The following FCRL5 variants were observed in gnomAD, a reference collection of about 807,000 sequenced individuals.
FCRL5 encodes Fc receptor-like protein 5.
In FCRL5, 79 loss-of-function variants were observed where a neutral mutation model predicts 92.1. That is an observed-to-expected ratio of 0.86 (90% confidence interval 0.72 to 1.03). FCRL5 has a LOEUF of 1.03. FCRL5 is among the 50% of genes least tolerant of loss of function. FCRL5 has a pLI of 0.00. For synonymous variants in FCRL5, 466 were observed against 469.3 expected (o/e 0.99, Z 0.09); for missense variants, 1,160 against 1,181.1 (o/e 0.98, Z 0.26).
intron 14 of FCRL5, 30 bp from the exon 15 acceptor site, chr1:157,518,527 G>T: frequency 1.3e-6 from 2 of 1,588,956 alleles, no homozygotes; most frequent in Non-Finnish European, 1.7e-6. Context: ...TTCAGAGGAT[G>T]CTGAGGTTCT....
intron 3 of FCRL5, 73 bp downstream of exon 3, chr1:157,546,870 C>A: frequency 6.5e-7 from 1 of 1,541,288 alleles, no homozygotes; most frequent in Non-Finnish European, 8.8e-7. Context: ...CTGAGGTAAA[C>A]AGTAATAACA....
rs1230534674 is a variant in FCRL5 at position 157,552,340 on chromosome 1, A to G, written c.23T>C (p.Leu8Pro). Residue 8 changes from leucine to proline, a missense_variant, in exon 1 of 17, where the codon CTG (leucine) becomes CCG (proline). Coordinates refer to ENST00000361835, the MANE Select transcript of FCRL5 (RefSeq NM_031281.3). MLLWVIL[L>P]VLAPVSGQFA... Reference sequence around the variant, plus strand: ...TGAGCCCTTTTACTCACCCAGGACCAGTAATATCACCCACAGCAGCATGAA... The same window carrying G: ...TGAGCCCTTTTACTCACCCAGGACCGGTAATATCACCCACAGCAGCATGAA... 2 of 1,614,148 alleles carry G rather than the reference A, an allele frequency of 1.2e-6. No homozygotes were observed. The highest frequency in any genetic ancestry group is 2.2e-5 in the East Asian group (1 of 44,866).
At chr1:157,539,013 C>T (rs2101631148) in intron 7 of FCRL5, 73 bp downstream of exon 7, 2 of 1,509,124 alleles carry the variant, frequency 1.3e-6, no homozygotes, top group South Asian at 2.5e-5. Flanking sequence ...AAGGTACACG[C>T]TGACTTCTGA....
At chr1:157,547,816 G>C (rs1651628742) in intron 2 of FCRL5, among the ~76,000 whole-genome samples, 1 of 152,190 alleles carries the variant, frequency 6.6e-6, no homozygotes, top group African/African-American at 2.4e-5. Flanking sequence ...GGTTGTTGCT[G>C]TTCATGGGTT....
chr1:157,540,770 AAAT>A (rs1651224501), intron 6 of FCRL5, among the ~76,000 whole-genome samples: 1 of 152,220 alleles, frequency 6.6e-6, no homozygotes, highest in African/African-American at 2.4e-5. Context: ...ATAAAGATAA[AAAT>A]AATAAAATAG....
In FCRL5 at chr1:157,534,973, G is replaced by A. The variant is rs1650900978; in HGVS notation, c.1403-81C>T. 2.9e-6 allele frequency: 4 copies of A among 1,359,746 alleles called. No individual in the cohort carries two copies. In the South Asian group the frequency reaches 6.0e-5, roughly 20 times the overall value. 84.2% of individuals were successfully genotyped at this position (1,359,746 alleles called of 1,614,324 possible). ...AACACTTGGCCAGTGCAGATGCCCA[G>A]TCTCCAGTACAGGATCTCTAGACTT... On this transcript the variant is annotated intron_variant, in intron 7 of 16. Coordinates refer to ENST00000361835, the MANE Select transcript of FCRL5 (RefSeq NM_031281.3).
chr1:157,546,160 C>T (rs1168413108), intron 3 of FCRL5: 1 of 364,880 alleles, frequency 2.7e-6, no homozygotes, highest in Admixed American at 3.7e-5. Flanking sequence ...TAAAACTATA[C>T]ATAGAGGCCG....
rs1412975990 is a variant in FCRL5 at position 157,544,874 on chromosome 1, A to G, written c.516T>C (p.Ser172=). 2 of 1,614,216 alleles carry G rather than the reference A, an allele frequency of 1.2e-6. No homozygotes were observed. Among genetic ancestry groups the G allele is most frequent in the South Asian group, 1.1e-5 (1 of 91,080 alleles). The change falls in exon 4 of 17, where the codon AGT becomes AGC. Residue 172 remains serine (S), a synonymous_variant. Transcript: ENST00000361835. ...GAYRCTGYKE[S]CCPVSSNTVK... ...CTGTATTGGAAGAAACAGGGCAACA[A>G]CTTTCCTTATATCCAGTACAGCGAT...
At chr1:157,524,044 A>G (rs1650314303) in intron 10 of FCRL5, 3 of 496,680 alleles carry the variant, frequency 6.0e-6, no homozygotes, top group Non-Finnish European at 7.1e-6. Flanking sequence ...TCTTATTTGC[A>G]TTTTTAGTGA....
chr1:157,544,426 C>T lies in FCRL5; in HGVS notation c.680G>A (p.Arg227His), dbSNP rs142419505. ...LERSDVPLRF[R>H]FFRDDQTLGL... is the part of the protein sequence containing the mutation. ...CAGGGTCTGGTCATCTCTGAAGAAG[C>T]GGAACCGGAGCGGGACATCTGACCT... The change falls in exon 5 of 17, where the codon CGC (arginine) becomes CAC (histidine). Residue 227 changes from arginine (R) to histidine (H), a missense_variant. Coordinates refer to ENST00000361835, the MANE Select transcript of FCRL5 (RefSeq NM_031281.3). 3.6e-5 allele frequency: 58 copies of T among 1,614,204 alleles called. No homozygotes were observed. The highest frequency in any genetic ancestry group is 3.1e-4 in the East Asian group (14 of 44,884).
At chr1:157,518,394 G>C in intron 15 of FCRL5, 35 bp downstream of exon 15, 1 of 1,568,074 alleles carries the variant, frequency 6.4e-7, no homozygotes, top group Non-Finnish European at 8.8e-7. Context: ...TCTAAGTTGA[G>C]GGTGGGCCAG....
In FCRL5 at chr1:157,514,423, A is replaced by G. The variant is rs879090965; in HGVS notation, c.*1252T>C. 2.0e-5 allele frequency: 3 copies of G among 152,228 alleles called. No individual in the cohort carries two copies. The highest frequency in any genetic ancestry group is 4.4e-5 in the Non-Finnish European group (3 of 68,058). The allele number at this position is 152,228 out of a possible 1,614,324, so 9.4% of individuals were successfully genotyped here. A position where few individuals can be genotyped will look rare whatever the true frequency, so the allele number is the denominator to read the frequency against. On this transcript the variant is annotated 3_prime_UTR_variant, in exon 17 of 17. Transcript: ENST00000361835. Reference sequence around the variant, plus strand: ...CCCAGGGTGGCTGATGAAAGCCAACATGTCACAGAGAAGAAGCTCTCTCAG... The same window carrying G: ...CCCAGGGTGGCTGATGAAAGCCAACGTGTCACAGAGAAGAAGCTCTCTCAG...
intron 6 of FCRL5, chr1:157,541,942 C>T (rs1444574092): frequency 6.5e-6 from 1 of 152,750 alleles, no homozygotes; most frequent in African/African-American, 2.4e-5. Context: ...CACTGAATGT[C>T]AGGGACACTG....
At chr1:157,522,317 ATGT>A (rs927410216) in intron 10 of FCRL5, 12 of 152,238 alleles carry the variant, frequency 7.9e-5, no homozygotes, top group African/African-American at 2.9e-4. Context: ...AAAAACTAAA[ATGT>A]TGTGTTAAAA....
chr1:157,548,986 G>T (rs555513993), intron 2 of FCRL5, among the ~76,000 whole-genome samples: 73 of 152,120 alleles, frequency 4.8e-4, no homozygotes, highest in African/African-American at 1.7e-3. Context: ...ACATGCACAC[G>T]TATGTTTACT....
intron 3 of FCRL5, among the ~76,000 whole-genome samples, chr1:157,545,908 T>A (rs1297518686): frequency 6.6e-6 from 1 of 152,178 alleles, no homozygotes; most frequent in Non-Finnish European, 1.5e-5. Flanking sequence ...GGCAAATTCT[T>A]AAGAGACGGA....
chr1:157,544,115 A>G, intron 5 of FCRL5, 147 bp downstream of exon 5: 2 of 812,632 alleles, frequency 2.5e-6, no homozygotes. Context: ...AGATGTTCAC[A>G]AGAGTAGAGG....
chr1:157,534,075 T>A (rs1437952649), intron 8 of FCRL5: 27 of 231,254 alleles, frequency 1.2e-4, no homozygotes, highest in Non-Finnish European at 1.2e-4. Context: ...ATAGTTTTTT[T>A]AAAATAATAC....
In FCRL5 at chr1:157,524,572, A is replaced by G; in HGVS notation, c.1961-15T>C. ...AGATACTGGAACTGAGGGAGGAAAA[A>G]CGTTATGTATCAGCTGCTTCTGCTA... On this transcript the variant is annotated splice_polypyrimidine_tract_variant and intron_variant, in intron 9 of 16. Transcript: ENST00000361835. 6.4e-7 allele frequency: 1 copy of G among 1,563,638 alleles called. No homozygotes were observed.
Sources: allele counts gnomAD v4.1 joint callset (sites outside exome capture counted in the v4.1 genomes callset), GRCh38; gene constraint gnomAD v4.1.1; transcripts MANE v1.5; gene names NCBI Gene and HGNC (gene_info 2026-07-23, HGNC 2026-07-21).